Variants in AKT3 observed in about 807,000 individuals in gnomAD.
AKT3 encodes the protein RAC-gamma serine/threonine-protein kinase.
A neutral mutation model predicts 65.3 loss-of-function variants in AKT3; 15 were observed. That is an observed-to-expected ratio of 0.23 (90% confidence interval 0.15 to 0.35). AKT3 has a LOEUF of 0.35. AKT3 is among the 10% of genes least tolerant of loss of function. The pLI is 1.00. For synonymous variants in AKT3, 206 were observed against 183.8 expected (o/e 1.12, Z -0.98); for missense variants, 243 against 576.5 (o/e 0.42, Z 5.92).
intron 2 of AKT3, among the ~76,000 whole-genome samples, chr1:243,741,049 A>G (rs1688123473): frequency 6.6e-6 from 1 of 152,208 alleles, no homozygotes; most frequent in Non-Finnish European, 1.5e-5. Flanking sequence ...TGTTAGCCCT[A>G]CATCTGGGAA....
chr1:243,850,324 G>A (rs574786716), upstream of AKT3, among the ~76,000 whole-genome samples: 2 of 150,668 alleles, frequency 1.3e-5, no homozygotes, highest in Non-Finnish European at 3.0e-5. Context: ...GGCGGCGGGA[G>A]GGGGAGGGAG....
At chr1:243,732,017 C>T (rs1558762385) in intron 2 of AKT3, among the ~76,000 whole-genome samples, 1 of 152,134 alleles carries the variant, frequency 6.6e-6, no homozygotes, top group Non-Finnish European at 1.5e-5. Flanking sequence ...TATTGTTCCT[C>T]ATATAGATTT....
At chr1:243,776,843 T>C (rs1690584392) in intron 2 of AKT3, among the ~76,000 whole-genome samples, 1 of 152,202 alleles carries the variant, frequency 6.6e-6, no homozygotes, top group African/African-American at 2.4e-5. Flanking sequence ...TAAAAAAAGA[T>C]AAGGTGCCCT....
chr1:243,606,301 A>G (rs1050165445), intron 8 of AKT3, among the ~76,000 whole-genome samples: 9 of 152,240 alleles, frequency 5.9e-5, no homozygotes, highest in African/African-American at 2.2e-4. Flanking sequence ...AAAACGTGAG[A>G]AAGTTTGGAA....
intron 8 of AKT3, among the ~76,000 whole-genome samples, chr1:243,590,411 TA>T (rs1289297358): frequency 6.6e-6 from 1 of 151,872 alleles, no homozygotes; most frequent in Non-Finnish European, 1.5e-5. Flanking sequence ...AGAAATAAAT[TA>T]AAAAAAGAAA....
intron 2 of AKT3, among the ~76,000 whole-genome samples, chr1:243,722,969 T>C (rs1307510081): frequency 6.6e-6 from 1 of 152,212 alleles, no homozygotes; most frequent in Non-Finnish European, 1.5e-5. Flanking sequence ...AATATGTTAA[T>C]ATGTGTTTTA....
downstream of AKT3, among the ~76,000 whole-genome samples, chr1:243,498,826 T>C (rs1319373746): frequency 6.6e-6 from 1 of 152,216 alleles, no homozygotes; most frequent in Non-Finnish European, 1.5e-5. Context: ...TTTTGGAAGA[T>C]GGTTCCTAAC....
chr1:243,495,443 C>T (rs991438053), downstream of AKT3, among the ~76,000 whole-genome samples: 12 of 152,186 alleles, frequency 7.9e-5, no homozygotes, highest in Admixed American at 3.3e-4. Flanking sequence ...ACTCTGACTG[C>T]GGTGTGGAGG....
intron 13 of AKT3, among the ~76,000 whole-genome samples, chr1:243,507,228 A>T (rs1669727437): frequency 6.6e-6 from 1 of 152,222 alleles, no homozygotes; most frequent in Non-Finnish European, 1.5e-5. Context: ...TTCAGCACCC[A>T]GGTTAGCCAG....
intron 2 of AKT3, among the ~76,000 whole-genome samples, chr1:243,763,221 C>T (rs1689603888): frequency 6.6e-6 from 1 of 151,980 alleles, no homozygotes; most frequent in African/African-American, 2.4e-5. Context: ...CTAATAAGAA[C>T]TTAGAACAAT....
At chr1:243,609,646 A>T (rs1677715781) in intron 8 of AKT3, among the ~76,000 whole-genome samples, 1 of 152,220 alleles carries the variant, frequency 6.6e-6, no homozygotes, top group Non-Finnish European at 1.5e-5. Flanking sequence ...TGATGGAGTG[A>T]GACCCTAGAG....
At chr1:243,741,158 C>T (rs1688130710) in intron 2 of AKT3, among the ~76,000 whole-genome samples, 1 of 152,120 alleles carries the variant, frequency 6.6e-6, no homozygotes. Flanking sequence ...CCTAGTTCTT[C>T]AAAGACTTTT....
Position 243,653,946 on chromosome 1 carries a change from C to T in AKT3, c.285-7909G>A, listed in dbSNP as rs74449814. Among the ~76,000 whole-genome samples the T allele has an allele frequency of 2.6e-5, 4 of 151,940 alleles. No homozygotes were observed. The East Asian group carries it at 5.8e-4, about 22-fold the overall frequency. On this transcript the variant is annotated intron_variant, in intron 4 of 13. Transcript: ENST00000673466. Reference sequence around the variant, plus strand: ...TCTTTATCTTTTTCTCCTTTCCTGCCTGTTTTTTAAATTATTTTGCACTTT... The same window carrying T: ...TCTTTATCTTTTTCTCCTTTCCTGCTTGTTTTTTAAATTATTTTGCACTTT...
At chr1:243,742,071 A>C (rs1239885672) in intron 2 of AKT3, among the ~76,000 whole-genome samples, 1 of 151,012 alleles carries the variant, frequency 6.6e-6, no homozygotes, top group Non-Finnish European at 1.5e-5. Flanking sequence ...AAAAAAAAAA[A>C]AAAAAACAGT....
intron 2 of AKT3, among the ~76,000 whole-genome samples, chr1:243,711,934 G>C (rs1227452887): frequency 6.6e-6 from 1 of 152,190 alleles, no homozygotes; most frequent in East Asian, 1.9e-4. Context: ...AGAATCAGAA[G>C]TAACATATCA....
At chr1:243,524,696 C>T (rs1054685528) in intron 12 of AKT3, among the ~76,000 whole-genome samples, 2 of 152,206 alleles carry the variant, frequency 1.3e-5, no homozygotes, top group African/African-American at 4.8e-5. Flanking sequence ...AAAAGGTGTA[C>T]ATCTGGCATG....
intron 4 of AKT3, among the ~76,000 whole-genome samples, chr1:243,651,934 T>G (rs1023649452): frequency 6.6e-6 from 1 of 152,006 alleles, no homozygotes; most frequent in African/African-American, 2.4e-5. Context: ...GAGAGAAAGG[T>G]AGGGTTTCCC....
At chr1:243,811,510 C>T (rs1039122109) in intron 2 of AKT3, among the ~76,000 whole-genome samples, 8 of 152,156 alleles carry the variant, frequency 5.3e-5, no homozygotes, top group South Asian at 2.1e-4. Flanking sequence ...CACTGCTCAA[C>T]GAAATAAGAG....
intron 11 of AKT3, among the ~76,000 whole-genome samples, chr1:243,549,504 C>T (rs1672895978): frequency 6.6e-6 from 1 of 152,172 alleles, no homozygotes. Flanking sequence ...CCTTGGGTCA[C>T]TGCAGTCTCG....
Sources: allele counts gnomAD v4.1 joint callset (sites outside exome capture counted in the v4.1 genomes callset), GRCh38; gene constraint gnomAD v4.1.1; transcripts MANE v1.5; gene names NCBI Gene and HGNC (gene_info 2026-07-23, HGNC 2026-07-21).